Variants in SFMBT1 observed in about 807,000 individuals in gnomAD.
The protein encoded by SFMBT1 is scm-like with four MBT domains protein 1.
Under a neutral mutation model 108.7 loss-of-function variants are expected in SFMBT1, and 32 were observed. The ratio of observed to expected loss-of-function variants is 0.29; its 90% CI spans 0.22 to 0.40. The LOEUF is 0.40. SFMBT1 is among the 10% of genes least tolerant of loss of function. The pLI is 1.00. For missense variants in SFMBT1, 816 were observed against 1,059.6 expected, an observed-to-expected ratio of 0.77 and a Z score of 3.19; for synonymous variants, 348 against 369.5, an observed-to-expected ratio of 0.94 and a Z score of 0.67.
intron 1 of SFMBT1, among the ~76,000 whole-genome samples, chr3:52,978,646 A>C (rs1291384550): frequency 6.6e-6 from 1 of 152,222 alleles, no homozygotes; most frequent in African/African-American, 2.4e-5. Context: ...CATATGTCCA[A>C]ACATAAACTT....
intron 1 of SFMBT1, among the ~76,000 whole-genome samples, chr3:53,014,434 C>T (rs1270624061): frequency 6.6e-6 from 1 of 152,040 alleles, no homozygotes; most frequent in African/African-American, 2.4e-5. Context: ...CACACCACTG[C>T]ACTCCCGCCT....
chr3:53,043,689 T>C (rs1700125349), intron 1 of SFMBT1, among the ~76,000 whole-genome samples: 1 of 152,238 alleles, frequency 6.6e-6, no homozygotes, highest in African/African-American at 2.4e-5. Flanking sequence ...CTACCAATCG[T>C]AACCTGCAAA....
intron 1 of SFMBT1, among the ~76,000 whole-genome samples, chr3:53,027,284 C>T (rs1699525867): frequency 6.6e-6 from 1 of 152,138 alleles, no homozygotes. Context: ...AAATGTTAGC[C>T]CATTCCCCCA....
At chr3:53,006,899 G>C (rs1382797289) in intron 1 of SFMBT1, among the ~76,000 whole-genome samples, 1 of 152,166 alleles carries the variant, frequency 6.6e-6, no homozygotes, top group African/African-American at 2.4e-5. Context: ...GCTGCTCCGG[G>C]CAGTTCCTTT....
intron 1 of SFMBT1, among the ~76,000 whole-genome samples, chr3:53,036,549 G>C (rs896381750): frequency 2.0e-5 from 3 of 152,224 alleles, no homozygotes; most frequent in Non-Finnish European, 4.4e-5. Flanking sequence ...GGCGTCTTTG[G>C]GGTAGAAGGA....
rs1474727082 is a variant in SFMBT1, at chr3:52,966,083, C to T, written c.28+3018G>A. 4.1e-5 allele frequency among the ~76,000 whole-genome samples: 6 copies of T among 145,606 alleles called. No individual in the cohort carries two copies. In the East Asian group the frequency reaches 1.2e-3, roughly 29 times the overall value. ...CTGTAATTCCAGCACTTTGGGAGGC[C>T]GAGGCGGGCGGATCACGAGGTCAGG... On this transcript the variant is annotated intron_variant, in intron 2 of 20. Coordinates refer to ENST00000394752, the MANE Select transcript of SFMBT1 (RefSeq NM_016329.4).
chr3:52,997,090 C>G (rs967516913), intron 1 of SFMBT1, among the ~76,000 whole-genome samples: 1 of 145,886 alleles, frequency 6.9e-6, no homozygotes, highest in Non-Finnish European at 1.5e-5. Flanking sequence ...AAAACAAAAA[C>G]AAAAAAAAAG....
chr3:52,984,019 G>C lies in SFMBT1; in HGVS notation c.-130-14761C>G, dbSNP rs551236756. On this transcript the variant is annotated intron_variant, in intron 1 of 20. Transcript: ENST00000394752. The stretch of plus-strand genomic sequence containing the variant: ...TGAAAGGTGTTGGTGGCTAGGTCTA[G>C]GACAGGAGAAGTGAAAATGTGGAGG... Among the ~76,000 whole-genome samples, 10 of 152,326 alleles carry C rather than the reference G, an allele frequency of 6.6e-5. No homozygotes were observed. In the South Asian group the frequency reaches 2.1e-3, roughly 32 times the overall value.
chr3:53,010,801 A>G (rs1385805569), intron 1 of SFMBT1, among the ~76,000 whole-genome samples: 1 of 152,218 alleles, frequency 6.6e-6, no homozygotes, highest in African/African-American at 2.4e-5. Flanking sequence ...TAATTCCACA[A>G]TATTTGTTAT....
chr3:52,974,901 G>T (rs1053202334), intron 1 of SFMBT1, among the ~76,000 whole-genome samples: 11 of 150,440 alleles, frequency 7.3e-5, no homozygotes, highest in African/African-American at 2.7e-4. Context: ...CACCTACTCA[G>T]GAGGCTGAAG....
chr3:52,969,300 A>G, intron 1 of SFMBT1, 42 bp from the exon 2 acceptor site: 2 of 1,464,042 alleles, frequency 1.4e-6, no homozygotes, highest in Non-Finnish European at 1.8e-6. Context: ...CTGAAGCCCA[A>G]GTGTGCTCAC....
At chr3:52,905,331 A>T in intron 20 of SFMBT1, 55 bp from the exon 21 acceptor site, 1 of 1,563,684 alleles carries the variant, frequency 6.4e-7, no homozygotes, top group Non-Finnish European at 8.7e-7. Context: ...AGGCAGCTTG[A>T]TCATGACAGC....
chr3:53,032,425 T>C (rs933423975), intron 1 of SFMBT1, among the ~76,000 whole-genome samples: 3 of 152,064 alleles, frequency 2.0e-5, no homozygotes, highest in African/African-American at 7.2e-5. Context: ...AAGACCCATA[T>C]GGGAAAGCAA....
chr3:53,004,264 C>T (rs75614137), intron 1 of SFMBT1, among the ~76,000 whole-genome samples: 42,585 of 137,148 alleles, frequency 0.31, 8,669 homozygotes, highest in East Asian at 0.54. Flanking sequence ...TTCTCTCTCT[C>T]TCTCTCTCTC....
chr3:53,041,103 G>A, intron 1 of SFMBT1, among the ~76,000 whole-genome samples: 1 of 148,320 alleles, frequency 6.7e-6, no homozygotes, highest in East Asian at 2.0e-4. Context: ...GATTACAGGT[G>A]TAAGTCACTG....
Position 52,921,915 on chromosome 3 carries a change from G to A in SFMBT1, c.1132-84C>T, listed in dbSNP as rs982857634. ...TCAGCTAGAAAACCTTTTTCAAGTA[G>A]TACTTAATCCCTAGGTTTAAAGATA... On this transcript the variant is annotated intron_variant, in intron 10 of 20. Transcript: ENST00000394752. 4.6e-6 allele frequency: 6 copies of A among 1,312,384 alleles called. No individual in the cohort carries two copies. In the African/African-American group the frequency reaches 8.8e-5, roughly 19 times the overall value. The allele number at this position is 1,312,384 out of a possible 1,614,324, so 81.3% of individuals were successfully genotyped here.
intron 1 of SFMBT1, among the ~76,000 whole-genome samples, chr3:53,036,378 G>C (rs969153845): frequency 4.6e-5 from 7 of 152,216 alleles, no homozygotes; most frequent in African/African-American, 1.2e-4. Flanking sequence ...AAAAACACTT[G>C]AAAACCAAGG....
At chr3:52,953,974 A>T (rs1038136388) in intron 3 of SFMBT1, among the ~76,000 whole-genome samples, 9 of 152,042 alleles carry the variant, frequency 5.9e-5, no homozygotes, top group Non-Finnish European at 1.3e-4. Context: ...AAAGTACAAA[A>T]AATAGCCGGG....
intron 2 of SFMBT1, among the ~76,000 whole-genome samples, chr3:52,968,476 G>A (rs1032515626): frequency 6.6e-6 from 1 of 152,102 alleles, no homozygotes; most frequent in African/African-American, 2.4e-5. Flanking sequence ...AAAGGAACAT[G>A]AAATATGTCA....
Sources: gnomAD v4.1 joint callset for allele counts (sites outside exome capture counted in the v4.1 genomes callset) on GRCh38, gnomAD v4.1.1 for gene constraint, MANE v1.5 for transcripts, NCBI Gene and HGNC (gene_info 2026-07-23, HGNC 2026-07-21) for gene names.